TBL1XR1: variants seen among roughly 807,000 people sequenced by gnomAD.
TBL1XR1 encodes TBL1X/Y related 1.
Under a neutral mutation model 66.9 loss-of-function variants are expected in TBL1XR1, and 5 were observed. The observed-to-expected ratio is 0.07, with a 90% CI of 0.04 to 0.16. The LOEUF (loss-of-function observed/expected upper bound fraction) is 0.16, where lower values mean the gene tolerates loss of function less well. Among genes scored for constraint, TBL1XR1 ranks in the 10% least tolerant of loss-of-function variants. The pLI is 1.00. For synonymous variants in TBL1XR1, 210 were observed against 206.0 expected, an observed-to-expected ratio of 1.02 and a Z score of -0.17; for missense variants, 238 against 623.2, an observed-to-expected ratio of 0.38 and a Z score of 6.58.
chr3:177,184,722 AC>A (rs1196040584), intron 1 of TBL1XR1, among the ~76,000 whole-genome samples: 1 of 151,404 alleles, frequency 6.6e-6, no homozygotes, highest in Non-Finnish European at 1.5e-5. Context: ...AATCACTTGA[AC>A]CCTGGAGGCA....
chr3:177,093,463 C>CA (rs1723081613), intron 2 of TBL1XR1, among the ~76,000 whole-genome samples: 1 of 151,964 alleles, frequency 6.6e-6, no homozygotes, highest in South Asian at 2.1e-4. Flanking sequence ...CACAGAAGTA[C>CA]AAAAAACAGT....
chr3:177,179,841 C>T (rs1734594961), intron 1 of TBL1XR1, among the ~76,000 whole-genome samples: 1 of 152,172 alleles, frequency 6.6e-6, no homozygotes, highest in South Asian at 2.1e-4. Context: ...GAAGAAAACG[C>T]AAGAAAGGCA....
chr3:177,188,225 C>A (rs929344715), intron 1 of TBL1XR1, among the ~76,000 whole-genome samples: 1 of 151,940 alleles, frequency 6.6e-6, no homozygotes, highest in African/African-American at 2.4e-5. Flanking sequence ...CCACCGTGCC[C>A]GGCCCAGAGA....
chr3:177,061,225 C>G (rs967282669), intron 3 of TBL1XR1, among the ~76,000 whole-genome samples: 1 of 152,156 alleles, frequency 6.6e-6, no homozygotes, highest in Non-Finnish European at 1.5e-5. Context: ...CCCTTCTCCA[C>G]AGCAACGTAT....
intron 1 of TBL1XR1, among the ~76,000 whole-genome samples, chr3:177,146,930 C>A (rs1730327074): frequency 1.3e-5 from 2 of 152,100 alleles, no homozygotes; most frequent in South Asian, 4.1e-4. Flanking sequence ...TTTGCATTCA[C>A]AAGTATTTTA....
At chr3:177,176,333 A>ATT (rs1257740657) in intron 1 of TBL1XR1, among the ~76,000 whole-genome samples, 4 of 150,850 alleles carry the variant, frequency 2.7e-5, no homozygotes, top group Non-Finnish European at 4.4e-5. Context: ...AGTAGCTGCG[A>ATT]TTACAGGCTT....
In TBL1XR1 at chr3:177,079,149, C is replaced by T. The variant is rs1012381406; in HGVS notation, c.-45-14127G>A. Among the ~76,000 whole-genome samples, 6 of 151,966 alleles carry T rather than the reference C, an allele frequency of 3.9e-5. No homozygotes were observed. In the East Asian group the frequency reaches 5.8e-4, roughly 15 times the overall value. The stretch of plus-strand genomic sequence containing the variant: ...TGTCGGTATTTCACAAAAAAAATGT[C>T]GGCCGGGTGCGGTGGCTCACACCTG... On this transcript the variant is annotated intron_variant, in intron 2 of 15. Transcript: ENST00000457928.
In TBL1XR1 at chr3:177,047,407, A is replaced by G. The variant is rs374414651; in HGVS notation, c.767-10T>C. On this transcript the variant is annotated splice_polypyrimidine_tract_variant and intron_variant, in intron 8 of 15. Coordinates refer to ENST00000457928, the MANE Select transcript of TBL1XR1 (RefSeq NM_024665.7). ...GTGCTAGCAAGGTTACCTAAAATGC[A>G]AAAGAAAAACATTAACATTATTTTA... 24 of 1,592,714 alleles carry G rather than the reference A, an allele frequency of 1.5e-5. No homozygotes were observed. The African/African-American group carries it at 1.8e-4, about 12-fold the overall frequency.
chr3:177,088,402 T>C (rs769058921), intron 2 of TBL1XR1, among the ~76,000 whole-genome samples: 12 of 152,186 alleles, frequency 7.9e-5, no homozygotes, highest in Non-Finnish European at 1.6e-4. Flanking sequence ...GAAACATAAA[T>C]GAACTTCGTG....
intron 1 of TBL1XR1, among the ~76,000 whole-genome samples, chr3:177,127,719 T>C (rs554553514): frequency 4.6e-5 from 7 of 152,280 alleles, no homozygotes; most frequent in African/African-American, 1.7e-4. Flanking sequence ...TGAAACACTA[T>C]TGAGTCACTT....
chr3:177,069,768 GGAAGGAAAGGAAGGAA>G (rs1719650654), intron 2 of TBL1XR1, among the ~76,000 whole-genome samples: 1 of 103,244 alleles, frequency 9.7e-6, no homozygotes, highest in Non-Finnish European at 1.9e-5. Flanking sequence ...AGGAAAGAAA[GGAAGGAAAGGAAGGAA>G]AAGGAAGGAA....
chr3:177,187,501 G>A (rs777545805), intron 1 of TBL1XR1, among the ~76,000 whole-genome samples: 1 of 151,858 alleles, frequency 6.6e-6, no homozygotes, highest in Non-Finnish European at 1.5e-5. Context: ...CATTTCATCT[G>A]ATCATCTTAA....
rs749015447 is a variant in TBL1XR1, at chr3:177,053,797, T to C, written c.180A>G (p.Val60=). The C allele has an allele frequency of 6.2e-7, 1 of 1,612,900 alleles. No individual in the cohort carries two copies. The highest frequency in any genetic ancestry group is 1.1e-5 in the South Asian group (1 of 91,030). Residue 60 remains valine, a synonymous_variant, in exon 4 of 16, where the codon GTA becomes GTG. Coordinates refer to ENST00000457928, the MANE Select transcript of TBL1XR1 (RefSeq NM_024665.7). Reference sequence around the variant, plus strand: ...CCTCATTAATACTAACTTCTGCTTCTACATACTGTAGACCTTTCTGGATGA... The same window carrying C: ...CCTCATTAATACTAACTTCTGCTTCCACATACTGTAGACCTTTCTGGATGA... ...ISIIQKGLQY[V]EAEVSINEDG...
chr3:177,197,740 C>T (rs925434864), upstream of TBL1XR1, among the ~76,000 whole-genome samples: 8 of 146,520 alleles, frequency 5.5e-5, no homozygotes, highest in East Asian at 7.9e-4. Context: ...CGCTCCTCTC[C>T]TTCCCGGCCC....
chr3:177,074,272 A>G (rs2108577831), intron 2 of TBL1XR1, among the ~76,000 whole-genome samples: 1 of 152,348 alleles, frequency 6.6e-6, no homozygotes, highest in South Asian at 2.1e-4. Context: ...TAATAATGCC[A>G]AGAAACTAGT....
intron 1 of TBL1XR1, among the ~76,000 whole-genome samples, chr3:177,181,311 C>T (rs886480940): frequency 6.6e-6 from 1 of 151,970 alleles, no homozygotes; most frequent in Admixed American, 6.6e-5. Flanking sequence ...GAAACCCCAT[C>T]TCTACTAGTA....
intron 1 of TBL1XR1, among the ~76,000 whole-genome samples, chr3:177,113,090 G>A (rs1725854925): frequency 6.6e-6 from 1 of 152,002 alleles, no homozygotes; most frequent in Admixed American, 6.6e-5. Flanking sequence ...TTTGACAAAG[G>A]TGCCAAGAAC....
At chr3:177,172,873 GTTT>G (rs368777481) in intron 1 of TBL1XR1, among the ~76,000 whole-genome samples, 15 of 151,368 alleles carry the variant, frequency 9.9e-5, no homozygotes, top group African/African-American at 3.6e-4. Flanking sequence ...TACCACAGTG[GTTT>G]TAACATATTT....
chr3:177,081,886 T>C (rs1721445492), intron 2 of TBL1XR1, among the ~76,000 whole-genome samples: 1 of 152,138 alleles, frequency 6.6e-6, no homozygotes, highest in Admixed American at 6.5e-5. Context: ...ACTGAACTAT[T>C]GTTTCTGTTT....
Sources: allele counts gnomAD v4.1 joint callset (sites outside exome capture counted in the v4.1 genomes callset), GRCh38; gene constraint gnomAD v4.1.1; transcripts MANE v1.5; gene names NCBI Gene and HGNC (gene_info 2026-07-23, HGNC 2026-07-21).